The following NCALD variants were observed in gnomAD, a reference collection of about 807,000 sequenced individuals.
NCALD encodes the protein neurocalcin-delta.
NCALD carries 10 observed loss-of-function variants against 18.6 expected under a neutral mutation model. The observed-to-expected ratio is 0.54, with a 90% CI of 0.33 to 0.91. NCALD has a LOEUF of 0.91. Among genes scored for constraint, NCALD ranks in the 40% least tolerant of loss-of-function variants. NCALD has a pLI of 0.03. For synonymous variants in NCALD, 88 were observed against 87.4 expected (o/e 1.01, Z -0.04); for missense variants, 184 against 247.6 (o/e 0.74, Z 1.72).
At chr8:101,930,392 A>G (rs561252) in intron 2 of NCALD, among the ~76,000 whole-genome samples, 146,904 of 152,108 alleles carry the variant, frequency 0.97, 70,984 homozygotes, top group African/African-American at 0.99. Flanking sequence ...TAAGTCCTAC[A>G]GGAAGAGACA....
At chr8:101,842,779 A>C (rs780648384) in intron 4 of NCALD, among the ~76,000 whole-genome samples, 1 of 152,168 alleles carries the variant, frequency 6.6e-6, no homozygotes, top group Non-Finnish European at 1.5e-5. Flanking sequence ...GGCAGAGCAA[A>C]TATCTGGCTT....
chr8:102,081,566 A>AC (rs1824534068), intron 1 of NCALD, among the ~76,000 whole-genome samples: 4 of 90,126 alleles, frequency 4.4e-5, no homozygotes, highest in African/African-American at 2.7e-4. Context: ...AAAAAAAAAA[A>AC]AAAAAAAAAA....
chr8:101,970,543 T>A (rs1424267045), intron 2 of NCALD, among the ~76,000 whole-genome samples: 3 of 152,174 alleles, frequency 2.0e-5, no homozygotes, highest in Non-Finnish European at 2.9e-5. Context: ...ACAGGCTAAC[T>A]ATTTTCTAGC....
At chr8:102,073,713 A>C (rs191779469) in intron 1 of NCALD, among the ~76,000 whole-genome samples, 1 of 152,336 alleles carries the variant, frequency 6.6e-6, no homozygotes, top group East Asian at 1.9e-4. Context: ...ATAAAGCTTC[A>C]GGAGCTTAAG....
chr8:101,901,812 A>G (rs1157458186), intron 3 of NCALD, among the ~76,000 whole-genome samples: 1 of 150,942 alleles, frequency 6.6e-6, no homozygotes, highest in African/African-American at 2.4e-5. Flanking sequence ...TTTTTTTGAG[A>G]TGGAGTCTCG....
intron 2 of NCALD, among the ~76,000 whole-genome samples, chr8:102,004,516 T>C (rs1286637845): frequency 9.9e-5 from 15 of 152,116 alleles, no homozygotes; most frequent in African/African-American, 3.4e-4. Flanking sequence ...CTTCACAGAA[T>C]TGGAAAAAAC....
Position 102,107,239 on chromosome 8 carries a change from T to TAC in NCALD, c.-210+16996_-210+16997dup, listed in dbSNP as rs1292303449. On this transcript the variant is annotated intron_variant, in intron 1 of 6. Transcript: ENST00000311028. ...ATATATATATATATATATATATATA[T>TAC]ACACATAGAAATATTCTTCAAATCT... is the stretch of plus-strand genomic sequence containing the variant. Among the ~76,000 whole-genome samples, 99 of 110,450 alleles carry TAC rather than the reference T, an allele frequency of 9.0e-4. 2 individuals are homozygous for TAC. The highest frequency in any genetic ancestry group is 2.6e-3 in the African/African-American group (76 of 29,096). The allele number at this position is 110,450 out of a possible 152,430, so 72.5% of individuals were successfully genotyped here. A position where few individuals can be genotyped will look rare whatever the true frequency, so the allele number is the denominator to read the frequency against.
intron 4 of NCALD, among the ~76,000 whole-genome samples, chr8:101,812,878 A>G (rs1813358396): frequency 6.6e-6 from 1 of 152,180 alleles, no homozygotes; most frequent in African/African-American, 2.4e-5. Flanking sequence ...TGGGTGTTCT[A>G]TCACTTGAAA....
intron 2 of NCALD, among the ~76,000 whole-genome samples, chr8:101,716,366 G>A (rs1221743936): frequency 6.6e-6 from 1 of 152,120 alleles, no homozygotes; most frequent in Non-Finnish European, 1.5e-5. Context: ...AATACCTAAT[G>A]TAAATGACGG....
At chr8:101,974,484 A>G (rs1295920003) in intron 2 of NCALD, among the ~76,000 whole-genome samples, 1 of 152,176 alleles carries the variant, frequency 6.6e-6, no homozygotes, top group African/African-American at 2.4e-5. Context: ...GCCCTTTGAC[A>G]AGAAAATACA....
At chr8:101,973,785 G>C (rs1543771) in intron 2 of NCALD, among the ~76,000 whole-genome samples, 60,352 of 151,952 alleles carry the variant, frequency 0.4, 12,190 homozygotes, top group South Asian at 0.45. Flanking sequence ...TAGAGTTCAA[G>C]TCCTTTTTAT....
rs996573334 is a variant in NCALD, at chr8:102,072,479, A to T, written c.-210+51758T>A. ...ACCATTTTTCAACCTTCCAAAAATG[A>T]CAGTATCATCTGGCTAAGTTTAACA... On this transcript the variant is annotated intron_variant, in intron 1 of 6. Coordinates refer to the NCALD transcript ENST00000311028. Among the ~76,000 whole-genome samples, 14 of 152,330 alleles carry T rather than the reference A, an allele frequency of 9.2e-5. No individual in the cohort carries two copies. In the South Asian group the frequency reaches 1.7e-3, roughly 18 times the overall value.
At chr8:101,931,465 A>G (rs1818569059) in intron 2 of NCALD, among the ~76,000 whole-genome samples, 1 of 152,220 alleles carries the variant, frequency 6.6e-6, no homozygotes, top group Non-Finnish European at 1.5e-5. Context: ...TTGGCAGAGC[A>G]GAAAGAAGCC....
At chr8:102,085,420 T>A (rs1174269189) in intron 1 of NCALD, among the ~76,000 whole-genome samples, 1 of 152,202 alleles carries the variant, frequency 6.6e-6, no homozygotes, top group African/African-American at 2.4e-5. Context: ...AGAGAGGGGA[T>A]CTTTTTTAAA....
At chr8:102,006,104 A>G (rs1821701412) in intron 2 of NCALD, among the ~76,000 whole-genome samples, 1 of 152,098 alleles carries the variant, frequency 6.6e-6, no homozygotes, top group Non-Finnish European at 1.5e-5. Flanking sequence ...ACAAGGTAGT[A>G]TATGTCGCTC....
chr8:101,938,269 A>G (rs1818833871), intron 2 of NCALD, among the ~76,000 whole-genome samples: 1 of 152,206 alleles, frequency 6.6e-6, no homozygotes, highest in South Asian at 2.1e-4. Flanking sequence ...TGATACATAT[A>G]CATATTTAAA....
At chr8:101,940,404 A>C (rs1818912388) in intron 2 of NCALD, among the ~76,000 whole-genome samples, 1 of 152,208 alleles carries the variant, frequency 6.6e-6, no homozygotes, top group South Asian at 2.1e-4. Flanking sequence ...CCGTCAGAGG[A>C]AATGTGTATG....
At chr8:101,758,741 G>A (rs1810990416) in intron 1 of NCALD, among the ~76,000 whole-genome samples, 1 of 152,148 alleles carries the variant, frequency 6.6e-6, no homozygotes, top group South Asian at 2.1e-4. Context: ...TCCCTCACAG[G>A]ATTATGAACA....
At chr8:101,991,303 C>T (rs909491371) in intron 2 of NCALD, among the ~76,000 whole-genome samples, 1 of 152,086 alleles carries the variant, frequency 6.6e-6, no homozygotes, top group Admixed American at 6.6e-5. Context: ...CATGGAAACG[C>T]CACCAATGCT....
Sources: allele counts gnomAD v4.1 joint callset (sites outside exome capture counted in the v4.1 genomes callset), GRCh38; gene constraint gnomAD v4.1.1; transcripts MANE v1.5; gene names NCBI Gene and HGNC (gene_info 2026-07-23, HGNC 2026-07-21).